NOL10: variants seen among roughly 807,000 people sequenced by gnomAD.
The protein encoded by NOL10 is nucleolar protein 10.
In NOL10, 58 loss-of-function variants were observed where a neutral mutation model predicts 103.5. The observed-to-expected ratio is 0.56, with a 90% CI of 0.45 to 0.70. NOL10 has a LOEUF of 0.70. NOL10 is among the 30% of genes least tolerant of loss of function. The pLI is 0.00. For missense variants in NOL10, 763 were observed against 807.3 expected, an observed-to-expected ratio of 0.95 and a Z score of 0.67; for synonymous variants, 287 against 282.5, an observed-to-expected ratio of 1.02 and a Z score of -0.16.
At chr2:10,578,973 A>G (rs1674612824) in intron 19 of NOL10, among the ~76,000 whole-genome samples, 1 of 152,216 alleles carries the variant, frequency 6.6e-6, no homozygotes, top group Non-Finnish European at 1.5e-5. Context: ...ACCTGACTGA[A>G]GAAAGAAAAA....
chr2:10,591,743 C>T (rs1349529400), intron 17 of NOL10, among the ~76,000 whole-genome samples: 1 of 152,054 alleles, frequency 6.6e-6, no homozygotes, highest in Non-Finnish European at 1.5e-5. Context: ...GTGGTTCATG[C>T]CTGCAATCTC....
chr2:10,593,878 C>G (rs114642508), intron 17 of NOL10, among the ~76,000 whole-genome samples: 10 of 152,242 alleles, frequency 6.6e-5, no homozygotes, highest in East Asian at 1.9e-4. Flanking sequence ...CTTTACCCCC[C>G]CAAGCAGGAG....
intron 19 of NOL10, among the ~76,000 whole-genome samples, chr2:10,587,194 C>T (rs184495616): frequency 1.0e-4 from 3 of 28,770 alleles, no homozygotes; most frequent in African/African-American, 5.9e-4. Context: ...TATATATACA[C>T]ATATATATAC....
At chr2:10,648,540 C>T (rs994684339) in intron 12 of NOL10, among the ~76,000 whole-genome samples, 1 of 152,178 alleles carries the variant, frequency 6.6e-6, no homozygotes, top group Non-Finnish European at 1.5e-5. Flanking sequence ...TTGTCCAAAA[C>T]ATCATGCTTA....
intron 19 of NOL10, among the ~76,000 whole-genome samples, chr2:10,588,380 C>T (rs929207921): frequency 2.0e-5 from 3 of 152,162 alleles, no homozygotes; most frequent in East Asian, 1.9e-4. Context: ...ATGAAACACT[C>T]GGCAACCACC....
intron 10 of NOL10, 49 bp downstream of exon 10, chr2:10,659,123 A>G: frequency 8.1e-7 from 1 of 1,242,066 alleles, no homozygotes; most frequent in East Asian, 2.4e-5. Flanking sequence ...ACATACACAC[A>G]CCACTGAAAT....
At chr2:10,648,441 G>T (rs549985753) in intron 12 of NOL10, among the ~76,000 whole-genome samples, 73 of 152,228 alleles carry the variant, frequency 4.8e-4, no homozygotes, top group African/African-American at 1.7e-3. Flanking sequence ...GTCTTGTTCT[G>T]CCTGCTCTCT....
intron 19 of NOL10, among the ~76,000 whole-genome samples, chr2:10,586,592 T>C (rs1675031803): frequency 1.5e-5 from 2 of 136,786 alleles, no homozygotes; most frequent in Admixed American, 7.5e-5. Flanking sequence ...GTTAACACCA[T>C]TACTCGCCTC....
At chr2:10,632,819 T>C (rs1677932139) in intron 13 of NOL10, among the ~76,000 whole-genome samples, 1 of 152,208 alleles carries the variant, frequency 6.6e-6, no homozygotes, top group East Asian at 1.9e-4. Context: ...TGTGAAATTT[T>C]TAAATTTTAA....
At chr2:10,652,907 C>T (rs1020913849) in intron 12 of NOL10, among the ~76,000 whole-genome samples, 1 of 152,082 alleles carries the variant, frequency 6.6e-6, no homozygotes. Flanking sequence ...TAAAAACACA[C>T]GTTTCTGGCC....
chr2:10,655,183 G>A (rs1679755897), intron 11 of NOL10, among the ~76,000 whole-genome samples: 2 of 150,954 alleles, frequency 1.3e-5, no homozygotes, highest in South Asian at 4.2e-4. Context: ...CTCCAGCCTG[G>A]GGCGACAGAG....
chr2:10,604,729 C>T (rs1055353425), intron 14 of NOL10: 2 of 152,164 alleles, frequency 1.3e-5, no homozygotes, highest in East Asian at 1.9e-4. Flanking sequence ...CCAAGTGAAG[C>T]GCTTTTCATA....
chr2:10,572,116 G>A lies in NOL10; in HGVS notation c.2022C>T (p.Ala674=). The A allele has an allele frequency of 1.1e-5, 18 of 1,613,956 alleles. No homozygotes were observed. The highest frequency in any genetic ancestry group is 1.5e-5 in the Non-Finnish European group (18 of 1,179,890). ...TTTTGTGTCTTGACTTCAGGTGTCC[G>A]GCCGAACGACGGAGTCTTTTCCTTT... ...RQERKRLRRS[A]GHLKSRHKRG... The change falls in exon 21 of 21, where the codon GCC becomes GCT. Residue 674 remains alanine, a synonymous_variant. Coordinates refer to ENST00000381685, the MANE Select transcript of NOL10 (RefSeq NM_024894.4).
At chr2:10,593,725 G>A (rs990732245) in intron 17 of NOL10, among the ~76,000 whole-genome samples, 18 of 152,210 alleles carry the variant, frequency 1.2e-4, no homozygotes, top group Non-Finnish European at 1.9e-4. Context: ...GCTTGGCTGA[G>A]GCTGGCACTG....
chr2:10,686,733 T>C (rs772693888), intron 1 of NOL10, among the ~76,000 whole-genome samples: 1 of 152,020 alleles, frequency 6.6e-6, no homozygotes, highest in African/African-American at 2.4e-5. Context: ...TAGTGGATTG[T>C]ATGAGAGCAA....
intron 1 of NOL10, 97 bp downstream of exon 1, chr2:10,689,699 G>T: frequency 7.9e-7 from 1 of 1,267,564 alleles, no homozygotes; most frequent in Non-Finnish European, 1.1e-6. Flanking sequence ...CCAGCGTCCA[G>T]CTAAAACAGA....
At chr2:10,627,674 C>CA (rs202078285) in intron 13 of NOL10, among the ~76,000 whole-genome samples, 111 of 137,520 alleles carry the variant, frequency 8.1e-4, no homozygotes, top group Non-Finnish European at 1.3e-3. Context: ...GACTCCGTCT[C>CA]AAAAAAAACA....
chr2:10,681,694 T>C (rs1347476769), intron 3 of NOL10, among the ~76,000 whole-genome samples: 1 of 152,222 alleles, frequency 6.6e-6, no homozygotes, highest in African/African-American at 2.4e-5. Flanking sequence ...TATACTGGTA[T>C]CTTCAACTTA....
At chr2:10,664,034 T>C (rs935584098) in intron 8 of NOL10, among the ~76,000 whole-genome samples, 6 of 151,386 alleles carry the variant, frequency 4.0e-5, no homozygotes, top group African/African-American at 1.5e-4. Context: ...GGCAGGAGAA[T>C]TGCTTGAACC....
Sources: allele counts gnomAD v4.1 joint callset (sites outside exome capture counted in the v4.1 genomes callset), GRCh38; gene constraint gnomAD v4.1.1; transcripts MANE v1.5; gene names NCBI Gene and HGNC (gene_info 2026-07-23, HGNC 2026-07-21).